The following UBE3B variants were observed in gnomAD, a reference collection of about 807,000 sequenced individuals.
UBE3B encodes the protein ubiquitin protein ligase E3B.
In UBE3B, 80 loss-of-function variants were observed where a neutral mutation model predicts 132.3. That is an observed-to-expected ratio of 0.60 (90% CI 0.50 to 0.73). The LOEUF is 0.73. UBE3B is among the 30% of genes least tolerant of loss of function. The probability of loss-of-function intolerance (pLI) is 0.00; values close to 1 mark genes in which losing one functional copy is unlikely to be tolerated. For missense variants in UBE3B, 1,196 were observed against 1,362.5 expected, an observed-to-expected ratio of 0.88 and a Z score of 1.92; for synonymous variants, 487 against 520.4, an observed-to-expected ratio of 0.94 and a Z score of 0.87.
At chr12:109,533,835 A>T in intron 27 of UBE3B, 2 of 1,073,568 alleles carry the variant, frequency 1.9e-6, no homozygotes, top group Non-Finnish European at 2.7e-6. Flanking sequence ...TGCTGTTTTT[A>T]GTGGCGTCTG....
At chr12:109,490,504 G>C (rs1201536331) in intron 8 of UBE3B, 2 of 1,535,822 alleles carry the variant, frequency 1.3e-6, no homozygotes, top group Admixed American at 3.9e-5. Flanking sequence ...GTGATGGGCT[G>C]TTTCCTGATT....
rs1271829487 is a variant in UBE3B, at chr12:109,488,637, C to G, written c.513C>G (p.Asp171Glu). ...TCACGATGCTTGTCACCTTCACAGA[C>G]ACTTCAACGTGGAAAATTCTTCGGG... Reference protein sequence around the residue: ...LYLTMLVTFTDTSTWKILRGK... With the variant: ...LYLTMLVTFTETSTWKILRGK... Residue 171 changes from aspartate (D) to glutamate (E), a missense_variant, in exon 7 of 28, where the codon GAC becomes GAG. Physicochemically the swap from Asp to Glu is conservative, Grantham distance 45 (BLOSUM62 2). Coordinates refer to ENST00000342494, the MANE Select transcript of UBE3B (RefSeq NM_130466.4). 1 of 1,614,070 alleles carries G rather than the reference C, an allele frequency of 6.2e-7. No individual in the cohort carries two copies. The highest frequency in any genetic ancestry group is 1.7e-5 in the Admixed American group (1 of 60,006).
intron 11 of UBE3B, 23 bp from the exon 12 acceptor site, chr12:109,499,610 C>A (rs748371643): frequency 1.8e-5 from 28 of 1,565,464 alleles, no homozygotes; most frequent in East Asian, 2.4e-5. Context: ...GGGCCCATCA[C>A]ACTCAGCCTT....
chr12:109,506,269 T>TG (rs1271416725), intron 14 of UBE3B, among the ~76,000 whole-genome samples: 1 of 152,238 alleles, frequency 6.6e-6, no homozygotes. Flanking sequence ...AGACTACTGT[T>TG]GGGGGGCCAA....
chr12:109,507,135 CTT>C (rs1366150621), intron 14 of UBE3B, among the ~76,000 whole-genome samples: 4 of 152,230 alleles, frequency 2.6e-5, no homozygotes, highest in Non-Finnish European at 5.9e-5. Flanking sequence ...AATATTTACT[CTT>C]TGGCTGTTTC....
intron 17 of UBE3B, 121 bp from the exon 18 acceptor site, chr12:109,511,083 T>A (rs979644769): frequency 2.4e-6 from 2 of 822,762 alleles, no homozygotes; most frequent in African/African-American, 3.4e-5. Flanking sequence ...CATGTTCCCA[T>A]CAGACTCTTG....
intron 15 of UBE3B, chr12:109,508,868 G>A (rs1880003045): frequency 5.9e-6 from 3 of 510,080 alleles, no homozygotes; most frequent in Non-Finnish European, 7.6e-6. Flanking sequence ...CCTGCTAAGT[G>A]TCACTAGTAT....
downstream of UBE3B, among the ~76,000 whole-genome samples, chr12:109,537,545 C>G (rs1883498828): frequency 6.6e-6 from 1 of 152,172 alleles, no homozygotes; most frequent in Admixed American, 6.5e-5. Flanking sequence ...TCTCAACACC[C>G]AAGAAGAATT....
intron 8 of UBE3B, 26 bp from the exon 9 acceptor site, chr12:109,491,019 C>G (rs758754192): frequency 6.2e-6 from 10 of 1,609,398 alleles, no homozygotes. Flanking sequence ...ATATCATCCT[C>G]TGACCAATTA....
intron 14 of UBE3B, among the ~76,000 whole-genome samples, chr12:109,504,497 C>T (rs1463848142): frequency 6.6e-6 from 1 of 152,192 alleles, no homozygotes; most frequent in African/African-American, 2.4e-5. Flanking sequence ...GTTGGCCCAA[C>T]CACCTGTGTG....
At chr12:109,498,105 C>T in intron 10 of UBE3B, 128 bp from the exon 11 acceptor site, 1 of 1,427,960 alleles carries the variant, frequency 7.0e-7, no homozygotes, top group Non-Finnish European at 9.6e-7. Flanking sequence ...TCTTGTCTGT[C>T]CATTTTCTTC....
chr12:109,534,324 C>T lies in UBE3B; in HGVS notation c.3016-267C>T. The stretch of plus-strand genomic sequence containing the variant: ...TGTCAATTGGTTAACCAGTAATTCG[C>T]TGTGAACCGGAAGGCCCCATTTCCA... On this transcript the variant is annotated intron_variant, in intron 27 of 27. Transcript: ENST00000342494. The surrounding 1 kb of genome is among the most constrained non-coding windows in gnomAD (Gnocchi z 5.2). 7.1e-7 allele frequency: 1 copy of T among 1,406,798 alleles called. No individual in the cohort carries two copies. Among genetic ancestry groups the T allele is most frequent in the South Asian group, 1.6e-5 (1 of 62,278 alleles). The allele number at this position is 1,406,798 out of a possible 1,614,324, so 87.1% of individuals were successfully genotyped here.
intron 22 of UBE3B, 37 bp downstream of exon 22, chr12:109,524,152 T>C: frequency 6.2e-7 from 1 of 1,611,686 alleles, no homozygotes; most frequent in South Asian, 1.1e-5. Context: ...AGCCGAGCAC[T>C]GGTGTGAACT....
intron 14 of UBE3B, among the ~76,000 whole-genome samples, 192 bp downstream of exon 14, chr12:109,503,382 T>A (rs979789943): frequency 6.6e-6 from 1 of 152,142 alleles, no homozygotes; most frequent in African/African-American, 2.4e-5. Flanking sequence ...TCATAAGCAC[T>A]TGCATCTCAT....
chr12:109,514,976 C>T (rs1258467280), intron 18 of UBE3B, among the ~76,000 whole-genome samples: 11 of 151,240 alleles, frequency 7.3e-5, no homozygotes, highest in African/African-American at 2.4e-4. Flanking sequence ...TGCAGTGGCG[C>T]GATCTCAGCT....
intron 14 of UBE3B, among the ~76,000 whole-genome samples, chr12:109,505,310 G>T (rs1879524205): frequency 6.6e-6 from 1 of 152,134 alleles, no homozygotes; most frequent in Non-Finnish European, 1.5e-5. Flanking sequence ...ACTGCTGCTG[G>T]TCTGTCTGCC....
chr12:109,537,980 C>T (rs1178356942), downstream of UBE3B, among the ~76,000 whole-genome samples: 2 of 152,154 alleles, frequency 1.3e-5, no homozygotes, highest in African/African-American at 4.8e-5. Flanking sequence ...GGATTACAGG[C>T]GTGAGCCACC....
chr12:109,529,752 G>A, intron 24 of UBE3B, 138 bp from the exon 25 acceptor site: 3 of 979,396 alleles, frequency 3.1e-6, no homozygotes, highest in Non-Finnish European at 4.6e-6. Flanking sequence ...CATTGTCATT[G>A]TTCTGATGAA....
At chr12:109,497,794 AT>A in intron 9 of UBE3B, 23 bp from the exon 10 acceptor site, 1 of 1,613,126 alleles carries the variant, frequency 6.2e-7, no homozygotes, top group Non-Finnish European at 8.5e-7. Flanking sequence ...ACCTGTCTGA[AT>A]GAGTGGATCT....
Sources: allele counts gnomAD v4.1 joint callset (sites outside exome capture counted in the v4.1 genomes callset), GRCh38; gene constraint gnomAD v4.1.1; non-coding constraint Gnocchi (gnomAD v3.1); transcripts MANE v1.5; gene names NCBI Gene and HGNC (gene_info 2026-07-23, HGNC 2026-07-21).